The following SCAPER variants were observed in gnomAD, a reference collection of about 807,000 sequenced individuals.
SCAPER encodes S phase cyclin A-associated protein in the endoplasmic reticulum.
Under a neutral mutation model 182.2 loss-of-function variants are expected in SCAPER, and 98 were observed. The observed-to-expected ratio is 0.54, with a 90% confidence interval of 0.46 to 0.64. The LOEUF (loss-of-function observed/expected upper bound fraction) is 0.64. SCAPER is among the 30% of genes least tolerant of loss of function. SCAPER has a pLI of 0.00. For synonymous variants in SCAPER, 605 were observed against 564.6 expected (o/e 1.07, Z -1.01); for missense variants, 1,432 against 1,690.0 (o/e 0.85, Z 2.68).
chr15:76,713,930 T>G (rs2059738969), intron 17 of SCAPER, among the ~76,000 whole-genome samples: 1 of 152,172 alleles, frequency 6.6e-6, no homozygotes. Context: ...AAGACTCATA[T>G]GCAAACATCC....
intron 6 of SCAPER, 100 bp downstream of exon 6, chr15:76,804,433 C>T (rs1598825575): frequency 1.5e-6 from 1 of 680,154 alleles, no homozygotes; most frequent in East Asian, 2.9e-5. Flanking sequence ...TAGATTTTTA[C>T]AAGTTTCAAC....
At chr15:76,719,394 G>A (rs1388927378) in intron 17 of SCAPER, among the ~76,000 whole-genome samples, 1 of 152,116 alleles carries the variant, frequency 6.6e-6, no homozygotes, top group Non-Finnish European at 1.5e-5. Flanking sequence ...TGCATAAGAG[G>A]GAGAGGGCAG....
At chr15:76,788,977 C>G (rs1598742687) in intron 8 of SCAPER, among the ~76,000 whole-genome samples, 1 of 152,192 alleles carries the variant, frequency 6.6e-6, no homozygotes, top group Admixed American at 6.5e-5. Context: ...TTCTGACATT[C>G]TTTTTTCAAT....
At chr15:76,856,346 C>T (rs4886835) in intron 4 of SCAPER, among the ~76,000 whole-genome samples, 49 of 151,988 alleles carry the variant, frequency 3.2e-4, no homozygotes, top group Middle Eastern at 3.4e-3. Flanking sequence ...ATAATCTGTA[C>T]GACAAACCCC....
intron 29 of SCAPER, among the ~76,000 whole-genome samples, chr15:76,365,044 C>G (rs1273830783): frequency 1.3e-5 from 2 of 152,030 alleles, no homozygotes; most frequent in Non-Finnish European, 2.9e-5. Context: ...AACTTGAGGG[C>G]AGGGACTTTG....
At chr15:76,543,856 T>C (rs2045006729) in intron 23 of SCAPER, among the ~76,000 whole-genome samples, 1 of 152,106 alleles carries the variant, frequency 6.6e-6, no homozygotes, top group Non-Finnish European at 1.5e-5. Context: ...TTTATCAAAA[T>C]TAAAACTTAT....
chr15:76,404,156 G>A (rs986777743), intron 27 of SCAPER, among the ~76,000 whole-genome samples: 3 of 152,176 alleles, frequency 2.0e-5, no homozygotes, highest in African/African-American at 7.2e-5. Context: ...CTTTCAGGCT[G>A]TACTGTGTAG....
chr15:76,533,118 T>C (rs955373493), intron 23 of SCAPER, among the ~76,000 whole-genome samples: 2 of 152,180 alleles, frequency 1.3e-5, no homozygotes, highest in African/African-American at 2.4e-5. Context: ...GGGAAAAGAC[T>C]TCCTAAAGGT....
chr15:76,504,828 C>A, intron 24 of SCAPER, 31 bp downstream of exon 24: 2 of 1,526,880 alleles, frequency 1.3e-6, no homozygotes, highest in East Asian at 2.3e-5. Flanking sequence ...ACAAATGAAA[C>A]GTAAAAAATA....
intron 5 of SCAPER, among the ~76,000 whole-genome samples, chr15:76,805,649 C>T (rs1179083351): frequency 6.7e-6 from 1 of 149,136 alleles, no homozygotes; most frequent in Non-Finnish European, 1.5e-5. Context: ...CTCACTGCAA[C>T]CTCCACCTCC....
chr15:76,353,872 C>G (rs1425404673), intron 30 of SCAPER, 77 bp downstream of exon 30: 1 of 1,296,484 alleles, frequency 7.7e-7, no homozygotes, highest in Non-Finnish European at 1.0e-6. Context: ...CAAAAATAAA[C>G]AGCTGGCTTA....
chr15:76,620,656 T>C (rs926945492), intron 22 of SCAPER, among the ~76,000 whole-genome samples: 1 of 152,226 alleles, frequency 6.6e-6, no homozygotes, highest in Non-Finnish European at 1.5e-5. Context: ...CAAGTGGTTA[T>C]GGATATTCCT....
chr15:76,749,395 T>C lies in SCAPER; in HGVS notation c.1866+4413A>G, dbSNP rs73443733. Among the ~76,000 whole-genome samples, 367 of 152,228 alleles carry C rather than the reference T, an allele frequency of 2.4e-3. 1 individual carries two copies. The highest frequency in any genetic ancestry group is 8.5e-3 in the African/African-American group (355 of 41,572). On this transcript the variant is annotated intron_variant, in intron 15 of 31. Coordinates refer to ENST00000563290, the MANE Select transcript of SCAPER (RefSeq NM_020843.4). ...TGTCTATAGCTAATATTGTACTTAA[T>C]GGTGAAGAGTAAATGCTTTTCCCCT...
At chr15:76,514,046 G>A (rs189589429) in intron 23 of SCAPER, among the ~76,000 whole-genome samples, 2 of 152,154 alleles carry the variant, frequency 1.3e-5, no homozygotes, top group East Asian at 1.9e-4. Context: ...TCCTACCCAG[G>A]GCCAAGCACA....
intron 25 of SCAPER, among the ~76,000 whole-genome samples, chr15:76,442,496 T>C (rs1175749781): frequency 2.0e-5 from 3 of 152,234 alleles, no homozygotes; most frequent in Non-Finnish European, 4.4e-5. Flanking sequence ...TCTCTCATTC[T>C]ATCTCACCTG....
chr15:76,795,922 G>A (rs889066856), intron 7 of SCAPER, among the ~76,000 whole-genome samples: 4 of 152,010 alleles, frequency 2.6e-5, no homozygotes, highest in Admixed American at 6.6e-5. Flanking sequence ...TTAGCTGGGC[G>A]CGGTGGTGTG....
intron 2 of SCAPER, among the ~76,000 whole-genome samples, chr15:76,868,613 T>C (rs979383870): frequency 6.6e-6 from 1 of 151,902 alleles, no homozygotes; most frequent in African/African-American, 2.4e-5. Flanking sequence ...ACAAGGAAAA[T>C]TGTAATACAC....
At chr15:76,822,272 T>C (rs1301415526) in intron 5 of SCAPER, among the ~76,000 whole-genome samples, 1 of 152,160 alleles carries the variant, frequency 6.6e-6, no homozygotes, top group Non-Finnish European at 1.5e-5. Flanking sequence ...AGGGGTTATA[T>C]GGAAAATCTC....
chr15:76,759,393 G>C (rs1019541272), intron 14 of SCAPER, among the ~76,000 whole-genome samples: 6 of 152,106 alleles, frequency 3.9e-5, no homozygotes, highest in Non-Finnish European at 8.8e-5. Context: ...GAGGGCAAAG[G>C]GTGGCATGGG....
Sources: allele counts gnomAD v4.1 joint callset (sites outside exome capture counted in the v4.1 genomes callset), GRCh38; gene constraint gnomAD v4.1.1; transcripts MANE v1.5; gene names NCBI Gene and HGNC (gene_info 2026-07-23, HGNC 2026-07-21).